The following MACROH2A1 variants were observed in gnomAD, a reference collection of about 807,000 sequenced individuals.
MACROH2A1 encodes the protein macroH2A.1 histone, also known as core histone macro-H2A.1.
Under a neutral mutation model 31.6 loss-of-function variants are expected in MACROH2A1, and 2 were observed. The observed-to-expected ratio is 0.06, with a 90% CI of 0.03 to 0.20. The LOEUF is 0.20. MACROH2A1 is among the 10% of genes least tolerant of loss of function. The pLI is 1.00. For synonymous variants in MACROH2A1, 169 were observed against 189.6 expected, an observed-to-expected ratio of 0.89 and a Z score of 0.89; for missense variants, 230 against 474.0, an observed-to-expected ratio of 0.49 and a Z score of 4.78.
intron 8 of MACROH2A1, 116 bp downstream of exon 8, chr5:135,343,144 C>T: frequency 1.3e-6 from 2 of 1,589,128 alleles, no homozygotes; most frequent in Non-Finnish European, 1.7e-6. Context: ...CTTCTGGTCT[C>T]CTTGGTTAAG....
At position 135,383,584 on chromosome 5, in the gene MACROH2A1, G is replaced by A. The variant is rs58773478; in HGVS notation, c.172+5338C>T. ...GCTGTAAGCCCCTGGCTCCTTTCCCGTGTGATTAAGATAAAATTCTTAATT... is the reference window on the plus strand; with the variant it reads ...GCTGTAAGCCCCTGGCTCCTTTCCCATGTGATTAAGATAAAATTCTTAATT... On this transcript the variant is annotated intron_variant, in intron 2 of 8. Transcript: ENST00000511689. 5.3e-5 allele frequency among the ~76,000 whole-genome samples: 8 copies of A among 152,116 alleles called. No individual in the cohort carries two copies. The East Asian group carries it at 5.8e-4, about 11-fold the overall frequency.
rs1763894794 is a variant in MACROH2A1, at chr5:135,369,271, A to C, written c.477+135T>G. 1 of 761,562 alleles carries C rather than the reference A, an allele frequency of 1.3e-6. No homozygotes were observed. The highest frequency in any genetic ancestry group is 2.1e-5 in the Admixed American group (1 of 47,864). 47.2% of individuals were successfully genotyped at this position (761,562 alleles called of 1,614,324 possible). On this transcript the variant is annotated intron_variant, in intron 4 of 8. Transcript: ENST00000511689. This position sits in a 1 kb window ranked among gnomAD's most constrained non-coding sequence, Gnocchi z 4.3. ...GGACTAGCCCCTCTGGAGAGTAATC[A>C]GCTCCTACATGTTCCTCCTTTATTC...
At chr5:135,385,929 C>CAGAGCCTAGCACGGTGCCTG (rs1253627053) in intron 2 of MACROH2A1, among the ~76,000 whole-genome samples, 21 of 152,228 alleles carry the variant, frequency 1.4e-4, no homozygotes, top group African/African-American at 4.3e-4. Flanking sequence ...CACTCTCACA[C>CAGAGCCTAGCACGGTGCCTG]AGAGCCTAGC....
chr5:135,343,635 T>A, intron 7 of MACROH2A1: 11 of 761,228 alleles, frequency 1.4e-5, no homozygotes, highest in Non-Finnish European at 1.8e-5. Context: ...AAAGTTGGCA[T>A]TATGATGTGT....
chr5:135,346,323 G>A (rs1037859749), intron 6 of MACROH2A1: 3 of 467,300 alleles, frequency 6.4e-6, no homozygotes, highest in Non-Finnish European at 1.2e-5. Flanking sequence ...GGATGTGCCA[G>A]AGATGTGAAA....
rs1429791067 is a variant in MACROH2A1 at position 135,398,001 on chromosome 5, A to C, written c.-34+1061T>G. Among the ~76,000 whole-genome samples, 1 of 152,158 alleles carries C rather than the reference A, an allele frequency of 6.6e-6. No individual in the cohort carries two copies. The highest frequency in any genetic ancestry group is 1.5e-5 in the Non-Finnish European group (1 of 68,026). The stretch of plus-strand genomic sequence containing the variant: ...GTGCCCCCTCTAATTGTCTATTCTT[A>C]TGTGCTGTTTACTGGGTCATTAAAA... On this transcript the variant is annotated intron_variant, in intron 1 of 8. Transcript: ENST00000511689. This position sits in a 1 kb window ranked among gnomAD's most constrained non-coding sequence, Gnocchi z 4.6.
chr5:135,337,265 G>A (rs941125610), intron 8 of MACROH2A1, among the ~76,000 whole-genome samples: 15 of 152,358 alleles, frequency 9.8e-5, no homozygotes, highest in South Asian at 8.3e-4. Flanking sequence ...AGCTGCAGCC[G>A]GGCTGCATGC....
At chr5:135,343,192 C>CAATT (rs1721371787) in intron 8 of MACROH2A1, 68 bp downstream of exon 8, 2 of 1,605,862 alleles carry the variant, frequency 1.2e-6, no homozygotes, top group South Asian at 2.2e-5. Flanking sequence ...GAGAGCACCA[C>CAATT]AATTATGGGC....
chr5:135,396,105 G>C (rs111539175), intron 1 of MACROH2A1, among the ~76,000 whole-genome samples: 4,264 of 152,260 alleles, frequency 0.028, 230 homozygotes, highest in African/African-American at 0.097. Context: ...TGAAGGAACT[G>C]TGCAGCTTGC....
At chr5:135,358,185 T>C (rs1281025080) in intron 5 of MACROH2A1, 5 of 985,208 alleles carry the variant, frequency 5.1e-6, no homozygotes, top group Non-Finnish European at 6.0e-6. Flanking sequence ...CTGACAGTAA[T>C]AGCCAATAAA....
At chr5:135,354,898 G>T in intron 5 of MACROH2A1, 1 of 368,742 alleles carries the variant, frequency 2.7e-6, no homozygotes, top group Non-Finnish European at 5.3e-6. Context: ...AGAGGCAGGA[G>T]GTTGGTGAGG....
intron 7 of MACROH2A1, 176 bp from the exon 8 acceptor site, chr5:135,343,610 A>G (rs368982525): frequency 1.0e-6 from 1 of 977,240 alleles, no homozygotes; most frequent in Non-Finnish European, 1.5e-6. Context: ...AGCTGGAGCC[A>G]AGCCACACCC....
At chr5:135,343,097 A>G (rs1417281248) in intron 8 of MACROH2A1, 163 bp downstream of exon 8, 2 of 1,504,290 alleles carry the variant, frequency 1.3e-6, no homozygotes, top group African/African-American at 2.8e-5. Context: ...ATTGTCCCTC[A>G]CCATCATTTA....
chr5:135,359,166 A>G, intron 5 of MACROH2A1: 1 of 985,498 alleles, frequency 1.0e-6, no homozygotes, highest in South Asian at 4.7e-5. Context: ...TAACAAGAAC[A>G]TAGGCAGGGG....
intron 5 of MACROH2A1, chr5:135,358,959 G>C (rs1248154234): frequency 1.0e-6 from 1 of 985,246 alleles, no homozygotes; most frequent in East Asian, 1.1e-4. Context: ...TCCCCTCCAG[G>C]GCTAACAAAC....
intron 8 of MACROH2A1, among the ~76,000 whole-genome samples, chr5:135,341,660 C>T (rs1349045832): frequency 2.0e-5 from 3 of 152,222 alleles, no homozygotes; most frequent in Non-Finnish European, 4.4e-5. Flanking sequence ...ACTAGTTCTG[C>T]CACCAGTACT....
chr5:135,368,197 T>C (rs1763756067), intron 4 of MACROH2A1, among the ~76,000 whole-genome samples: 1 of 152,190 alleles, frequency 6.6e-6, no homozygotes, highest in Admixed American at 6.5e-5. Flanking sequence ...ACAAACAGTG[T>C]GGATGCAAGA....
intron 8 of MACROH2A1, among the ~76,000 whole-genome samples, chr5:135,337,493 C>T (rs1238549494): frequency 6.6e-6 from 1 of 152,280 alleles, no homozygotes; most frequent in Admixed American, 6.5e-5. Context: ...CTTTCCTTGC[C>T]TCTGCCTTGG....
At position 135,343,241 on chromosome 5, in the gene MACROH2A1, A is replaced by G. The variant is rs1760234651; in HGVS notation, c.953+19T>C. 3 of 1,613,456 alleles carry G rather than the reference A, an allele frequency of 1.9e-6. No individual in the cohort carries two copies. Among genetic ancestry groups the G allele is most frequent in the Non-Finnish European group, 2.5e-6 (3 of 1,180,030 alleles). ...AGAGACACACCCATGACCGATACGT[A>G]ACAAGCATGTGCCCCTACCTGCCGC... On this transcript the variant is annotated intron_variant, in intron 8 of 8. Transcript: ENST00000511689.
Sources: gnomAD v4.1 joint callset for allele counts (sites outside exome capture counted in the v4.1 genomes callset) on GRCh38, gnomAD v4.1.1 for gene constraint, Gnocchi (gnomAD v3.1) non-coding constraint, MANE v1.5 for transcripts, NCBI Gene and HGNC (gene_info 2026-07-23, HGNC 2026-07-21) for gene names.